Variants in CTNND2 observed in about 807,000 individuals in gnomAD.
CTNND2 encodes catenin delta 2, also known as catenin delta-2.
In CTNND2, 22 loss-of-function variants were observed where a neutral mutation model predicts 144.4. The observed-to-expected ratio is 0.15, with a 90% CI of 0.11 to 0.22. CTNND2 has a LOEUF of 0.22. CTNND2 is among the 10% of genes least tolerant of loss of function. The pLI is 1.00. For synonymous variants in CTNND2, 751 were observed against 695.6 expected (o/e 1.08, Z -1.25); for missense variants, 1,353 against 1,618.8 (o/e 0.84, Z 2.82).
At chr5:11,578,489 C>T (rs554471018) in intron 2 of CTNND2, among the ~76,000 whole-genome samples, 65 of 151,888 alleles carry the variant, frequency 4.3e-4, no homozygotes, top group Non-Finnish European at 6.3e-4. Context: ...GGTGAAACCC[C>T]GTCTCTACTA....
At chr5:11,645,902 A>G (rs1782318263) in intron 2 of CTNND2, among the ~76,000 whole-genome samples, 1 of 152,180 alleles carries the variant, frequency 6.6e-6, no homozygotes, top group Non-Finnish European at 1.5e-5. Context: ...TAAACAGTAC[A>G]TTATTTATCT....
chr5:10,997,524 G>A (rs1431418843), intron 18 of CTNND2, among the ~76,000 whole-genome samples: 3 of 151,708 alleles, frequency 2.0e-5, no homozygotes, highest in African/African-American at 4.8e-5. Context: ...GCTGGGAGGC[G>A]GAGATTGCAG....
At chr5:10,999,523 G>A (rs1739701330) in intron 18 of CTNND2, among the ~76,000 whole-genome samples, 1 of 152,104 alleles carries the variant, frequency 6.6e-6, no homozygotes, top group Admixed American at 6.6e-5. Context: ...ACCGGGGAAG[G>A]GCCATGAATC....
At chr5:11,707,989 A>C (rs1785801566) in intron 2 of CTNND2, among the ~76,000 whole-genome samples, 1 of 152,180 alleles carries the variant, frequency 6.6e-6, no homozygotes, top group Admixed American at 6.5e-5. Flanking sequence ...TATGATGCTA[A>C]GTGGTAACTC....
intron 9 of CTNND2, among the ~76,000 whole-genome samples, chr5:11,336,874 T>G (rs1033105431): frequency 2.0e-5 from 3 of 152,032 alleles, no homozygotes; most frequent in Non-Finnish European, 4.4e-5. Flanking sequence ...ACACATAACT[T>G]TCTTTAATAA....
chr5:11,693,593 T>C (rs1048658620), intron 2 of CTNND2, among the ~76,000 whole-genome samples: 2 of 152,240 alleles, frequency 1.3e-5, no homozygotes, highest in African/African-American at 2.4e-5. Flanking sequence ...AAATCTTCAA[T>C]GCAATGGAAT....
intron 9 of CTNND2, among the ~76,000 whole-genome samples, chr5:11,292,024 C>T (rs1203373824): frequency 6.6e-6 from 1 of 152,108 alleles, no homozygotes; most frequent in African/African-American, 2.4e-5. Flanking sequence ...TAGCTCAACT[C>T]ATGGTAGCAC....
At chr5:11,634,276 C>A (rs1277169962) in intron 2 of CTNND2, among the ~76,000 whole-genome samples, 1 of 152,068 alleles carries the variant, frequency 6.6e-6, no homozygotes, top group African/African-American at 2.4e-5. Context: ...AGACCATAGG[C>A]ACACACACAG....
intron 2 of CTNND2, among the ~76,000 whole-genome samples, chr5:11,642,309 T>C (rs191831701): frequency 9.4e-4 from 143 of 152,286 alleles, no homozygotes; most frequent in African/African-American, 3.0e-3. Context: ...AATAATATTA[T>C]AATAAATCAT....
chr5:11,340,587 A>G (rs979135325), intron 9 of CTNND2, among the ~76,000 whole-genome samples: 3 of 152,338 alleles, frequency 2.0e-5, no homozygotes, highest in East Asian at 3.9e-4. Flanking sequence ...AAAGATTTCT[A>G]TAGTATCAAA....
chr5:11,897,175 T>C (rs1737459826), intron 1 of CTNND2, among the ~76,000 whole-genome samples: 1 of 152,212 alleles, frequency 6.6e-6, no homozygotes, highest in Non-Finnish European at 1.5e-5. Context: ...TGTGGCTCTT[T>C]TACATTTGGA....
At chr5:11,363,104 G>A (rs779763565) in intron 8 of CTNND2, among the ~76,000 whole-genome samples, 18 of 152,226 alleles carry the variant, frequency 1.2e-4, no homozygotes, top group Non-Finnish European at 2.1e-4. Flanking sequence ...CACTACTAAA[G>A]TAGATTGGTG....
intron 2 of CTNND2, among the ~76,000 whole-genome samples, chr5:11,573,446 C>T (rs1216401718): frequency 6.6e-6 from 1 of 152,056 alleles, no homozygotes; most frequent in African/African-American, 2.4e-5. Flanking sequence ...TTAATTTTAC[C>T]CCACTGAAAC....
At chr5:11,296,976 A>G (rs1000645214) in intron 9 of CTNND2, among the ~76,000 whole-genome samples, 8 of 152,242 alleles carry the variant, frequency 5.3e-5, no homozygotes, top group African/African-American at 1.9e-4. Context: ...TAAAACTTAA[A>G]GTATAATAAA....
At chr5:11,674,438 C>T (rs1784063592) in intron 2 of CTNND2, among the ~76,000 whole-genome samples, 1 of 152,132 alleles carries the variant, frequency 6.6e-6, no homozygotes, top group South Asian at 2.1e-4. Flanking sequence ...TTCCTACCCC[C>T]ACACATGTAT....
At chr5:11,248,052 T>C (rs1332951729) in intron 9 of CTNND2, among the ~76,000 whole-genome samples, 2 of 152,190 alleles carry the variant, frequency 1.3e-5, no homozygotes, top group Non-Finnish European at 2.9e-5. Flanking sequence ...TTGTAAAGCA[T>C]GATGACTTTA....
intron 2 of CTNND2, among the ~76,000 whole-genome samples, chr5:11,569,246 A>C (rs904790291): frequency 1.1e-4 from 16 of 152,198 alleles, no homozygotes; most frequent in Non-Finnish European, 4.4e-5. Context: ...TTATAAGAAA[A>C]AGCAGAGCAG....
intron 2 of CTNND2, among the ~76,000 whole-genome samples, chr5:11,716,517 C>A (rs1055216119): frequency 1.3e-5 from 2 of 152,000 alleles, no homozygotes; most frequent in Admixed American, 6.6e-5. Flanking sequence ...GCCTTGCAAC[C>A]CTTGCATCTA....
chr5:11,878,730 T>G (rs1233302818), intron 1 of CTNND2, among the ~76,000 whole-genome samples: 4 of 152,184 alleles, frequency 2.6e-5, no homozygotes, highest in African/African-American at 9.7e-5. Context: ...AGTCACTCAC[T>G]GTGGAGACTC....
Sources: allele counts gnomAD v4.1 joint callset (sites outside exome capture counted in the v4.1 genomes callset), GRCh38; gene constraint gnomAD v4.1.1; transcripts MANE v1.5; gene names NCBI Gene and HGNC (gene_info 2026-07-23, HGNC 2026-07-21).